CTNND2: variants seen among roughly 807,000 people sequenced by gnomAD.
The protein encoded by CTNND2 is catenin delta 2, also known as catenin delta-2.
A neutral mutation model predicts 144.4 loss-of-function variants in CTNND2; 22 were observed. The observed-to-expected ratio is 0.15, with a 90% confidence interval of 0.11 to 0.22. The LOEUF (loss-of-function observed/expected upper bound fraction) is 0.22, where lower values mean the gene tolerates loss of function less well. Ranked by LOEUF, CTNND2 falls within the 10% of genes least tolerant of loss-of-function variation. The pLI is 1.00. For synonymous variants in CTNND2, 751 were observed against 695.6 expected (o/e 1.08, Z -1.25); for missense variants, 1,353 against 1,618.8 (o/e 0.84, Z 2.82).
chr5:11,109,572 T>C (rs1336734454), intron 14 of CTNND2, among the ~76,000 whole-genome samples: 1 of 152,220 alleles, frequency 6.6e-6, no homozygotes. Flanking sequence ...CCTGTTATAA[T>C]ATTTGGCTCC....
chr5:11,774,572 A>AT (rs1790146957), intron 1 of CTNND2, among the ~76,000 whole-genome samples: 1 of 150,226 alleles, frequency 6.7e-6, no homozygotes, highest in South Asian at 2.1e-4. Flanking sequence ...AAAAAAAAAA[A>AT]CAATGATGGC....
chr5:11,334,894 C>T (rs1362275676), intron 9 of CTNND2, among the ~76,000 whole-genome samples: 1 of 152,172 alleles, frequency 6.6e-6, no homozygotes, highest in African/African-American at 2.4e-5. Context: ...TGAAGTGTCC[C>T]TAGAATACTG....
At chr5:11,394,253 G>C (rs2149812394) in intron 6 of CTNND2, among the ~76,000 whole-genome samples, 1 of 152,324 alleles carries the variant, frequency 6.6e-6, no homozygotes, top group East Asian at 1.9e-4. Context: ...TGCTAGAATA[G>C]AAGTTCCTTG....
At chr5:11,725,907 A>C (rs975173957) in intron 2 of CTNND2, among the ~76,000 whole-genome samples, 1 of 152,148 alleles carries the variant, frequency 6.6e-6, no homozygotes, top group Non-Finnish European at 1.5e-5. Flanking sequence ...TTCTCTGAAA[A>C]AATCAACATT....
chr5:11,801,920 C>T (rs1011864434), intron 1 of CTNND2, among the ~76,000 whole-genome samples: 14 of 151,974 alleles, frequency 9.2e-5, no homozygotes, highest in African/African-American at 3.1e-4. Context: ...ATGAAACTAC[C>T]ACCCAGAAAA....
chr5:11,569,449 T>C (rs1777387156), intron 2 of CTNND2, among the ~76,000 whole-genome samples: 1 of 152,184 alleles, frequency 6.6e-6, no homozygotes. Context: ...AGAAAAATTA[T>C]CAAACATTTT....
At chr5:11,842,592 GCCTGTAGT>G (rs1794528233) in intron 1 of CTNND2, among the ~76,000 whole-genome samples, 2 of 151,686 alleles carry the variant, frequency 1.3e-5, no homozygotes, top group Non-Finnish European at 2.9e-5. Flanking sequence ...GGTGGCGGGC[GCCTGTAGT>G]CCCAGCTACT....
At chr5:11,159,894 C>T in intron 11 of CTNND2, 135 bp from the exon 12 acceptor site, 1 of 621,116 alleles carries the variant, frequency 1.6e-6, no homozygotes, top group Non-Finnish European at 2.6e-6. Context: ...AGAGTGTGTC[C>T]TTAATTTTAG....
intron 2 of CTNND2, among the ~76,000 whole-genome samples, chr5:11,645,776 G>A (rs1190519950): frequency 6.6e-6 from 1 of 151,882 alleles, no homozygotes; most frequent in Admixed American, 6.6e-5. Context: ...AAATGCTTAG[G>A]AAAACAAACA....
At chr5:11,451,835 C>T (rs61760275) in intron 3 of CTNND2, among the ~76,000 whole-genome samples, 1,650 of 152,180 alleles carry the variant, frequency 0.011, 33 homozygotes, top group African/African-American at 0.037. Context: ...ACAACACATG[C>T]GAATAACACA....
At chr5:11,563,444 A>G (rs1434217268) in intron 3 of CTNND2, among the ~76,000 whole-genome samples, 2 of 152,250 alleles carry the variant, frequency 1.3e-5, no homozygotes, top group Non-Finnish European at 2.9e-5. Context: ...TAAAATTATT[A>G]TTTTTCTCTC....
chr5:11,034,046 A>G (rs1215760582), intron 16 of CTNND2, among the ~76,000 whole-genome samples: 1 of 152,230 alleles, frequency 6.6e-6, no homozygotes, highest in African/African-American at 2.4e-5. Context: ...AGGTTTCAAT[A>G]TTTAGTATCT....
chr5:11,562,001 G>T (rs969776759), intron 3 of CTNND2, among the ~76,000 whole-genome samples: 9 of 151,994 alleles, frequency 5.9e-5, no homozygotes, highest in African/African-American at 2.2e-4. Context: ...AGCCGAGATC[G>T]TGCCACAGTT....
chr5:10,992,384 A>G (rs1443015232), intron 19 of CTNND2, among the ~76,000 whole-genome samples, 167 bp downstream of exon 19: 1 of 152,236 alleles, frequency 6.6e-6, no homozygotes, highest in Admixed American at 6.5e-5. Flanking sequence ...GTGTATACAA[A>G]ACACAGAGTG....
chr5:11,041,294 A>G (rs1360233753), intron 16 of CTNND2, among the ~76,000 whole-genome samples: 1 of 152,224 alleles, frequency 6.6e-6, no homozygotes, highest in Non-Finnish European at 1.5e-5. Context: ...CTTTTTTAAG[A>G]ACATTCATAT....
chr5:11,337,434 C>T (rs914397241), intron 9 of CTNND2, among the ~76,000 whole-genome samples: 3 of 152,142 alleles, frequency 2.0e-5, no homozygotes, highest in African/African-American at 7.2e-5. Flanking sequence ...CTACCAAGGA[C>T]CTTTCTTCTC....
At chr5:11,361,539 T>A (rs1256433005) in intron 8 of CTNND2, among the ~76,000 whole-genome samples, 2 of 152,174 alleles carry the variant, frequency 1.3e-5, no homozygotes, top group South Asian at 2.1e-4. Context: ...GGTTTTCTGA[T>A]CCAAAAAGCA....
At chr5:11,838,700 C>A (rs887435635) in intron 1 of CTNND2, among the ~76,000 whole-genome samples, 2 of 152,186 alleles carry the variant, frequency 1.3e-5, no homozygotes, top group African/African-American at 4.8e-5. Flanking sequence ...GAGTATGATA[C>A]TATCATCATT....
At chr5:11,600,504 G>A (rs977746358) in intron 2 of CTNND2, among the ~76,000 whole-genome samples, 5 of 151,878 alleles carry the variant, frequency 3.3e-5, no homozygotes, top group Admixed American at 6.6e-5. Flanking sequence ...TCAGGAGTTC[G>A]AGACCAGTTT....
Sources: gnomAD v4.1 joint callset for allele counts (sites outside exome capture counted in the v4.1 genomes callset) on GRCh38, gnomAD v4.1.1 for gene constraint, MANE v1.5 for transcripts, NCBI Gene and HGNC (gene_info 2026-07-23, HGNC 2026-07-21) for gene names.